The following CACNA2D3 variants were observed in gnomAD, a reference collection of about 807,000 sequenced individuals.
CACNA2D3 encodes the protein calcium voltage-gated channel auxiliary subunit alpha2delta 3, also known as voltage-dependent calcium channel subunit alpha-2/delta-3.
Under a neutral mutation model 160.6 loss-of-function variants are expected in CACNA2D3, and 60 were observed. The ratio of observed to expected loss-of-function variants is 0.37; its 90% CI spans 0.30 to 0.46. CACNA2D3 has a LOEUF of 0.46. Among genes scored for constraint, CACNA2D3 ranks in the 20% least tolerant of loss-of-function variants. CACNA2D3 has a pLI of 1.00. For missense variants in CACNA2D3, 1,205 were observed against 1,365.0 expected (o/e 0.88, Z 1.85); for synonymous variants, 558 against 492.9 (o/e 1.13, Z -1.75).
At chr3:55,009,759 A>G (rs1383791000) in intron 34 of CACNA2D3, among the ~76,000 whole-genome samples, 2 of 152,242 alleles carry the variant, frequency 1.3e-5, no homozygotes, top group Non-Finnish European at 2.9e-5. Context: ...GAAGGGAGAC[A>G]GACACACTGC....
intron 9 of CACNA2D3, among the ~76,000 whole-genome samples, 195 bp from the exon 10 acceptor site, chr3:54,627,592 G>C (rs1042925739): frequency 2.0e-5 from 3 of 152,180 alleles, no homozygotes; most frequent in Non-Finnish European, 4.4e-5. Flanking sequence ...TGTAACTGAA[G>C]CTAAACCATG....
intron 35 of CACNA2D3, among the ~76,000 whole-genome samples, chr3:55,032,462 G>A (rs1053141972): frequency 1.3e-5 from 2 of 152,086 alleles, no homozygotes; most frequent in African/African-American, 4.8e-5. Context: ...TGTACCCAGG[G>A]GTTCTCTCAC....
intron 11 of CACNA2D3, among the ~76,000 whole-genome samples, chr3:54,657,210 A>G (rs973160486): frequency 6.6e-6 from 1 of 152,150 alleles, no homozygotes; most frequent in Non-Finnish European, 1.5e-5. Context: ...GTGGAATGTC[A>G]TCAGTTAAGG....
rs568038149 is a variant in CACNA2D3 at position 54,348,589 on chromosome 3, G to A, written c.321+28031G>A. Among the ~76,000 whole-genome samples, 450 of 152,312 alleles carry A rather than the reference G, an allele frequency of 3.0e-3. 4 individuals carry two copies. Among genetic ancestry groups the A allele is most frequent in the African/African-American group, 9.9e-3 (413 of 41,570 alleles). On this transcript the variant is annotated intron_variant, in intron 3 of 37. Coordinates refer to ENST00000474759, the MANE Select transcript of CACNA2D3 (RefSeq NM_018398.3). ...CTCTCTTGTTCGCAGAAGAAACACTGCTTATTTCTTTGGCCGTAACTCAAG... is the reference window on the plus strand; with the variant it reads ...CTCTCTTGTTCGCAGAAGAAACACTACTTATTTCTTTGGCCGTAACTCAAG...
intron 18 of CACNA2D3, among the ~76,000 whole-genome samples, chr3:54,877,420 G>A (rs948835936): frequency 1.3e-5 from 2 of 152,098 alleles, no homozygotes; most frequent in African/African-American, 2.4e-5. Context: ...TGCTTGGGAG[G>A]CACCAGACAC....
intron 4 of CACNA2D3, among the ~76,000 whole-genome samples, chr3:54,461,712 C>G (rs1210867513): frequency 2.0e-5 from 3 of 151,440 alleles, no homozygotes; most frequent in Admixed American, 6.6e-5. Context: ...TTTTGTTGAT[C>G]CTTTCAAAAA....
chr3:54,386,032 C>T, intron 3 of CACNA2D3: 1 of 480,500 alleles, frequency 2.1e-6, no homozygotes, highest in Non-Finnish European at 4.1e-6. Context: ...GACTAATTAT[C>T]TAAATGAAGG....
intron 2 of CACNA2D3, among the ~76,000 whole-genome samples, chr3:54,314,826 A>G (rs1370371448): frequency 6.6e-6 from 1 of 152,204 alleles, no homozygotes; most frequent in Non-Finnish European, 1.5e-5. Flanking sequence ...GAACAAACAA[A>G]TGGAGTGCTG....
chr3:55,024,220 G>C (rs750134372), intron 35 of CACNA2D3, among the ~76,000 whole-genome samples: 1 of 149,930 alleles, frequency 6.7e-6, no homozygotes, highest in Non-Finnish European at 1.5e-5. Context: ...ATGAAGTTCT[G>C]CTTATTCCTG....
chr3:54,556,558 A>G lies in CACNA2D3; in HGVS notation c.545-6242A>G, dbSNP rs935776500. Among the ~76,000 whole-genome samples the G allele has an allele frequency of 2.2e-4, 33 of 152,272 alleles. 1 individual carries two copies. The highest frequency in any genetic ancestry group is 2.2e-3 in the Admixed American group (33 of 15,304). On this transcript the variant is annotated intron_variant, in intron 5 of 37. Transcript: ENST00000474759. ...GTCTTTAAGCCATCCAGTTTGCAGT[A>G]TTTTGCCACAGCTGCTACAGAAAGC...
intron 2 of CACNA2D3, among the ~76,000 whole-genome samples, chr3:54,228,219 C>T (rs1049081843): frequency 3.9e-5 from 6 of 152,154 alleles, no homozygotes; most frequent in Admixed American, 2.0e-4. Flanking sequence ...AAACTGAGGG[C>T]TGTTCAAAGG....
intron 27 of CACNA2D3, chr3:54,924,594 G>A (rs530815146): frequency 9.7e-6 from 15 of 1,552,088 alleles, no homozygotes; most frequent in Middle Eastern, 1.7e-4. Flanking sequence ...ACACAGATGG[G>A]GGGTTCCAAA....
intron 12 of CACNA2D3, among the ~76,000 whole-genome samples, chr3:54,758,268 T>G (rs1019894614): frequency 2.0e-5 from 3 of 152,262 alleles, no homozygotes; most frequent in Non-Finnish European, 2.9e-5. Context: ...TAGATTGTTT[T>G]CTTCTTTTTC....
chr3:54,634,316 A>G (rs1367319244), intron 10 of CACNA2D3: 1 of 152,068 alleles, frequency 6.6e-6, no homozygotes, highest in Non-Finnish European at 1.5e-5. Context: ...CTCAGGTATA[A>G]CTCAAATGTC....
At chr3:54,243,351 T>G (rs1702009228) in intron 2 of CACNA2D3, among the ~76,000 whole-genome samples, 1 of 152,252 alleles carries the variant, frequency 6.6e-6, no homozygotes, top group Non-Finnish European at 1.5e-5. Context: ...GTGTGTAGTC[T>G]TCTGTAAATT....
chr3:55,008,387 C>T (rs2107143361), intron 33 of CACNA2D3, among the ~76,000 whole-genome samples: 2 of 152,278 alleles, frequency 1.3e-5, no homozygotes, highest in South Asian at 4.1e-4. Flanking sequence ...GACTTTCAGA[C>T]TAGATATTAG....
At chr3:54,743,594 A>C (rs1317989566) in intron 11 of CACNA2D3, among the ~76,000 whole-genome samples, 16 of 152,242 alleles carry the variant, frequency 1.1e-4, no homozygotes, top group Admixed American at 1.0e-3. Context: ...AATTTGTGGA[A>C]CAATTAATTT....
At chr3:54,476,751 G>T (rs1175167292) in intron 4 of CACNA2D3, among the ~76,000 whole-genome samples, 1 of 152,028 alleles carries the variant, frequency 6.6e-6, no homozygotes, top group African/African-American at 2.4e-5. Context: ...TTTAAACTAG[G>T]TTGTTTGTTT....
chr3:54,206,349 CA>C lies in CACNA2D3; in HGVS notation c.204+82756del, dbSNP rs1701276759. On this transcript the variant is annotated intron_variant, in intron 2 of 37. Transcript: ENST00000474759. ...GGGATGAGGTCAAACAGGTTTAACCCAGGGGAAAATTTTGAGCTGAGCTCAG... is the reference window on the plus strand; with the variant it reads ...GGGATGAGGTCAAACAGGTTTAACCCGGGGAAAATTTTGAGCTGAGCTCAG... Among the ~76,000 whole-genome samples the C allele has an allele frequency of 5.3e-5, 8 of 152,042 alleles. 1 individual carries two copies. The South Asian group carries it at 1.7e-3, about 32-fold the overall frequency.
Sources: allele counts gnomAD v4.1 joint callset (sites outside exome capture counted in the v4.1 genomes callset), GRCh38; gene constraint gnomAD v4.1.1; transcripts MANE v1.5; gene names NCBI Gene and HGNC (gene_info 2026-07-23, HGNC 2026-07-21).